Variants in NCOA2 observed in about 807,000 individuals in gnomAD.
NCOA2 encodes nuclear receptor coactivator 2.
NCOA2 carries 21 observed loss-of-function variants against 145.1 expected under a neutral mutation model. The ratio of observed to expected loss-of-function variants is 0.14; its 90% confidence interval spans 0.10 to 0.21. The LOEUF is 0.21. Ranked by LOEUF, NCOA2 falls within the 10% of genes least tolerant of loss-of-function variation. The pLI is 1.00. For missense variants in NCOA2, 1,472 were observed against 1,837.6 expected, an observed-to-expected ratio of 0.80 and a Z score of 3.64; for synonymous variants, 619 against 637.5, an observed-to-expected ratio of 0.97 and a Z score of 0.44.
At chr8:70,395,641 A>T (rs1395259608) in intron 1 of NCOA2, among the ~76,000 whole-genome samples, 3 of 152,216 alleles carry the variant, frequency 2.0e-5, no homozygotes, top group African/African-American at 7.2e-5. Context: ...ATATTCTGAC[A>T]AATGCTACTA....
chr8:70,190,943 C>A (rs777804337), intron 4 of NCOA2, among the ~76,000 whole-genome samples: 1 of 152,070 alleles, frequency 6.6e-6, no homozygotes, highest in Non-Finnish European at 1.5e-5. Context: ...AATCAAGGAT[C>A]ATTTGTGGAG....
chr8:70,265,448 T>C (rs1037443971), intron 2 of NCOA2, among the ~76,000 whole-genome samples: 1 of 152,222 alleles, frequency 6.6e-6, no homozygotes, highest in African/African-American at 2.4e-5. Context: ...AAGTGTTATA[T>C]TTTTCAACAG....
At chr8:70,252,584 T>C (rs1423383643) in intron 2 of NCOA2, among the ~76,000 whole-genome samples, 1 of 152,192 alleles carries the variant, frequency 6.6e-6, no homozygotes, top group Admixed American at 6.5e-5. Context: ...CTCCTATGTA[T>C]TAACTTTTCC....
At chr8:70,301,923 A>C (rs1827539522) in intron 1 of NCOA2, among the ~76,000 whole-genome samples, 2 of 152,150 alleles carry the variant, frequency 1.3e-5, no homozygotes, top group Admixed American at 6.5e-5. Context: ...CAAATTACTT[A>C]AGATTTTTCA....
intron 2 of NCOA2, among the ~76,000 whole-genome samples, chr8:70,285,249 C>A (rs1385080181): frequency 6.6e-6 from 1 of 152,146 alleles, no homozygotes; most frequent in Non-Finnish European, 1.5e-5. Flanking sequence ...CAAGAATTTA[C>A]TTAGAGTCCT....
chr8:70,198,469 C>A (rs1480197650), intron 4 of NCOA2, among the ~76,000 whole-genome samples: 1 of 152,170 alleles, frequency 6.6e-6, no homozygotes, highest in Non-Finnish European at 1.5e-5. Flanking sequence ...CTTCGTCCTG[C>A]AGGCAGGGAG....
chr8:70,250,527 G>A (rs1317926061), intron 2 of NCOA2, among the ~76,000 whole-genome samples: 1 of 151,826 alleles, frequency 6.6e-6, no homozygotes, highest in Non-Finnish European at 1.5e-5. Context: ...CTGAGATTGT[G>A]CCACTGCACT....
At chr8:70,236,473 T>G (rs1182746046) in intron 2 of NCOA2, among the ~76,000 whole-genome samples, 1 of 152,080 alleles carries the variant, frequency 6.6e-6, no homozygotes, top group Non-Finnish European at 1.5e-5. Context: ...TAAGTTCTTT[T>G]GCTTGTCATA....
chr8:70,442,163 G>GAAAGAAAGAAAGAAAGAAAGAA, the NCOA2 span, among the ~76,000 whole-genome samples: 15 of 141,576 alleles, frequency 1.1e-4, no homozygotes, highest in East Asian at 3.2e-3. Flanking sequence ...AAGAAAGAAA[G>GAAAGAAAGAAAGAAAGAAAGAA]AGAAAGGCTG....
In NCOA2 at chr8:70,232,870, T is replaced by TACACACACACACACACACACACACAC. The variant is rs71275059; in HGVS notation, c.-19-16107_-19-16106insGTGTGTGTGTGTGTGTGTGTGTGTGT. Among the ~76,000 whole-genome samples the TACACACACACACACACACACACACAC allele has an allele frequency of 3.1e-3, 446 of 145,330 alleles. 6 individuals are homozygous for TACACACACACACACACACACACACAC. The highest frequency in any genetic ancestry group is 8.4e-3 in the African/African-American group (321 of 38,410). On this transcript the variant is annotated intron_variant, in intron 2 of 22. Coordinates refer to ENST00000452400, the MANE Select transcript of NCOA2 (RefSeq NM_006540.4). Reference sequence around the variant, plus strand: ...ACTGGGGACCATATGATTTAGAATTTACACACACACACACACACACACGTG... The same window carrying TACACACACACACACACACACACACAC: ...ACTGGGGACCATATGATTTAGAATTTACACACACACACACACACACACACACACACACACACACACACACACACGTG...
At chr8:70,410,406 G>A in the NCOA2 span, among the ~76,000 whole-genome samples, 21 of 152,220 alleles carry the variant, frequency 1.4e-4, no homozygotes, top group African/African-American at 4.6e-4. Context: ...TTCACCAAAA[G>A]ATTGTATAGA....
intron 5 of NCOA2, among the ~76,000 whole-genome samples, chr8:70,172,744 A>G (rs556378821): frequency 2.2e-4 from 33 of 152,314 alleles, no homozygotes; most frequent in Admixed American, 6.5e-4. Flanking sequence ...CATATTACCT[A>G]TGGTTCATTT....
rs200546302 is a variant in NCOA2 at position 70,301,862 on chromosome 8, G to GA, written c.-76-5063dup. ...TCAAGCCAGCCAGACAGACTGGCAG[G>GA]AAAAAAGAGAACGCACAGGGAACAG... On this transcript the variant is annotated intron_variant, in intron 1 of 22. Transcript: ENST00000452400. Among the ~76,000 whole-genome samples, 1,118 of 151,924 alleles carry GA rather than the reference G, an allele frequency of 7.4e-3. 3 individuals are homozygous for GA. The highest frequency in any genetic ancestry group is 0.017 in the Middle Eastern group (5 of 294).
the NCOA2 span, among the ~76,000 whole-genome samples, chr8:70,416,019 A>C: frequency 6.6e-6 from 1 of 152,178 alleles, no homozygotes; most frequent in Non-Finnish European, 1.5e-5. Context: ...ATTTATATCT[A>C]ATAAAGAGAT....
intron 4 of NCOA2, among the ~76,000 whole-genome samples, chr8:70,187,105 A>G (rs934451621): frequency 5.3e-4 from 81 of 152,222 alleles, no homozygotes; most frequent in African/African-American, 1.9e-3. Context: ...GGCATCACTC[A>G]GAAATTGACA....
chr8:70,152,736 G>C (rs544985473), intron 11 of NCOA2, among the ~76,000 whole-genome samples: 29 of 152,212 alleles, frequency 1.9e-4, no homozygotes, highest in African/African-American at 6.5e-4. Flanking sequence ...CACTCTGCTC[G>C]GTAAAAAATG....
intron 2 of NCOA2, among the ~76,000 whole-genome samples, chr8:70,217,908 T>C (rs146081398): frequency 9.3e-4 from 142 of 152,218 alleles, no homozygotes; most frequent in African/African-American, 3.1e-3. Flanking sequence ...GCCCCCAGAC[T>C]TCTAAATCAC....
At chr8:70,261,478 T>C (rs949220288) in intron 2 of NCOA2, among the ~76,000 whole-genome samples, 1 of 151,978 alleles carries the variant, frequency 6.6e-6, no homozygotes, top group African/African-American at 2.4e-5. Flanking sequence ...CATTAGGAGA[T>C]ATACCTAATG....
chr8:70,178,326 T>G (rs1410415862), intron 4 of NCOA2, among the ~76,000 whole-genome samples: 2 of 152,236 alleles, frequency 1.3e-5, no homozygotes, highest in East Asian at 3.8e-4. Context: ...AACATGTGTT[T>G]GAGGAACAAC....
Sources: gnomAD v4.1 joint callset for allele counts (sites outside exome capture counted in the v4.1 genomes callset) on GRCh38, gnomAD v4.1.1 for gene constraint, MANE v1.5 for transcripts, NCBI Gene and HGNC (gene_info 2026-07-23, HGNC 2026-07-21) for gene names.